DRC11L: variants seen among roughly 807,000 people sequenced by gnomAD.
DRC11L encodes the protein dynein regulatory complex subunit 11 like, also known as dynein regulatory complex subunit like-11.
At chr7:151,191,264 G>A in the DRC11L span, among the ~76,000 whole-genome samples, 18 of 152,186 alleles carry the variant, frequency 1.2e-4, no homozygotes, top group South Asian at 2.3e-3. Context: ...AATGTCAGCC[G>A]TTCTTAGTGG....
chr7:151,200,899 G>T, the DRC11L span, among the ~76,000 whole-genome samples: 3 of 152,300 alleles, frequency 2.0e-5, no homozygotes, highest in East Asian at 3.9e-4. Flanking sequence ...TGAGGCCGGA[G>T]ACTGGACATG....
the DRC11L span, chr7:151,190,954 T>C: frequency 2.5e-6 from 1 of 399,866 alleles, no homozygotes; most frequent in Non-Finnish European, 4.4e-6. Context: ...ACGCCACTAA[T>C]CTCAGGTGCC....
the DRC11L span, among the ~76,000 whole-genome samples, chr7:151,194,952 A>T: frequency 6.6e-6 from 1 of 152,170 alleles, no homozygotes; most frequent in Non-Finnish European, 1.5e-5. Flanking sequence ...TAGAAACTAC[A>T]TTTAAGACGT....
At chr7:151,201,530 G>A in the DRC11L span, among the ~76,000 whole-genome samples, 23 of 152,340 alleles carry the variant, frequency 1.5e-4, no homozygotes, top group East Asian at 4.2e-3. This position sits in a 1 kb window ranked among gnomAD's most constrained non-coding sequence, Gnocchi z 4.1. Flanking sequence ...CATGCTCAGT[G>A]TACTGATAAG....
chr7:151,204,925 G>A, the DRC11L span: 14 of 398,656 alleles, frequency 3.5e-5, no homozygotes, highest in African/African-American at 6.2e-5. Context: ...GTGTGGGCTC[G>A]GGGTACCAGA....
At chr7:151,198,329 G>C in the DRC11L span, among the ~76,000 whole-genome samples, 14 of 152,074 alleles carry the variant, frequency 9.2e-5, no homozygotes, top group African/African-American at 3.1e-4. Context: ...TAGGTGGATG[G>C]GCAGATGGAC....
chr7:151,193,253 C>A, the DRC11L span: 35 of 399,134 alleles, frequency 8.8e-5, no homozygotes, highest in Non-Finnish European at 1.4e-4. Context: ...TGCCACAGGT[C>A]TGAGAACCGC....
the DRC11L span, chr7:151,196,870 C>A: frequency 2.5e-6 from 1 of 398,852 alleles, no homozygotes; most frequent in South Asian, 1.3e-4. Flanking sequence ...CCTACACACC[C>A]ACACTGCCAC....
chr7:151,197,756 C>T, the DRC11L span: 1 of 396,896 alleles, frequency 2.5e-6, no homozygotes, highest in East Asian at 3.6e-5. Flanking sequence ...ACCCCACTCG[C>T]TATTCTCTGT....
the DRC11L span, among the ~76,000 whole-genome samples, chr7:151,201,048 C>T: frequency 3.3e-5 from 5 of 152,164 alleles, no homozygotes; most frequent in South Asian, 2.1e-4. This position sits in a 1 kb window ranked among gnomAD's most constrained non-coding sequence, Gnocchi z 4.1. Flanking sequence ...GAGCTGGACG[C>T]GTCCTCTTTC....
chr7:151,197,425 T>A, the DRC11L span: 7 of 398,654 alleles, frequency 1.8e-5, no homozygotes, highest in Non-Finnish European at 2.2e-5. Context: ...TCTCTCAGGC[T>A]CAGGGCCTGA....
At chr7:151,203,888 G>C in the DRC11L span, among the ~76,000 whole-genome samples, 3 of 152,216 alleles carry the variant, frequency 2.0e-5, no homozygotes, top group African/African-American at 7.2e-5. Context: ...GTGCACTGCT[G>C]CAGCTGGTTG....
chr7:151,199,875 G>A, the DRC11L span, among the ~76,000 whole-genome samples: 4 of 152,198 alleles, frequency 2.6e-5, no homozygotes, highest in South Asian at 8.3e-4. This position sits in a 1 kb window ranked among gnomAD's most constrained non-coding sequence, Gnocchi z 5.2. Context: ...GAGAACAGGG[G>A]ATAGACAGAT....
chr7:151,200,007 G>T, the DRC11L span, among the ~76,000 whole-genome samples: 1 of 152,234 alleles, frequency 6.6e-6, no homozygotes, highest in Non-Finnish European at 1.5e-5. Context: ...GTCTCCCCGT[G>T]GCTGCCAGAG....
chr7:151,201,620 G>A, the DRC11L span, among the ~76,000 whole-genome samples: 7 of 152,190 alleles, frequency 4.6e-5, no homozygotes, highest in African/African-American at 9.6e-5. This position sits in a 1 kb window ranked among gnomAD's most constrained non-coding sequence, Gnocchi z 4.1. Context: ...GCCTGCTTTT[G>A]TCTTTTGGTG....
At chr7:151,197,141 C>T in the DRC11L span, 1 of 399,854 alleles carries the variant, frequency 2.5e-6, no homozygotes, top group Non-Finnish European at 4.4e-6. Flanking sequence ...CATCTTCCTA[C>T]CACGAGTTCC....
At chr7:151,203,084 T>C in the DRC11L span, 4 of 399,130 alleles carry the variant, frequency 1.0e-5, no homozygotes, top group Admixed American at 4.4e-5. Flanking sequence ...GTCCGGTGCA[T>C]TCCTGTAAAG....
the DRC11L span, chr7:151,196,971 TCTTA>T: frequency 7.5e-6 from 3 of 399,098 alleles, no homozygotes; most frequent in East Asian, 3.6e-5. Flanking sequence ...CCATCTCCCC[TCTTA>T]CTTAAGTATT....
chr7:151,203,782 G>A, the DRC11L span, among the ~76,000 whole-genome samples: 1 of 152,150 alleles, frequency 6.6e-6, no homozygotes, highest in Non-Finnish European at 1.5e-5. Flanking sequence ...AATCAACTGG[G>A]AAGCTCTTAA....
Sources: gnomAD v4.1 joint callset for allele counts (sites outside exome capture counted in the v4.1 genomes callset) on GRCh38, gnomAD v4.1.1 for gene constraint, Gnocchi (gnomAD v3.1) non-coding constraint, MANE v1.5 for transcripts, NCBI Gene and HGNC (gene_info 2026-07-23, HGNC 2026-07-21) for gene names.